SLC66A3: variants seen among roughly 807,000 people sequenced by gnomAD.
The protein encoded by SLC66A3 is solute carrier family 66 member 3.
Under a neutral mutation model 25.5 loss-of-function variants are expected in SLC66A3, and 23 were observed. That is an observed-to-expected ratio of 0.90 (90% CI 0.65 to 1.28). SLC66A3 has a LOEUF of 1.28. Among genes scored for constraint, SLC66A3 ranks in the 50% most tolerant of loss-of-function variants. The probability of loss-of-function intolerance (pLI) is 0.00; values close to 1 mark genes in which losing one functional copy is unlikely to be tolerated. For missense variants in SLC66A3, 246 were observed against 262.1 expected (o/e 0.94, Z 0.42); for synonymous variants, 108 against 112.6 (o/e 0.96, Z 0.26).
chr2:11,178,675 A>G lies in SLC66A3; in HGVS notation c.*847A>G, dbSNP rs917612251. The G allele has an allele frequency of 1.3e-5, 2 of 152,334 alleles. No individual in the cohort carries two copies. The highest frequency in any genetic ancestry group is 6.6e-5 in the Admixed American group (1 of 15,264). The allele number at this position is 152,334 out of a possible 1,614,324, so 9.4% of individuals were successfully genotyped here. ...AGTTCTTAGGGACTTTTTTCACATT[A>G]TAGCATTTTTACCCTAAACATGATG... On this transcript the variant is annotated 3_prime_UTR_variant, in exon 7 of 7. Coordinates refer to ENST00000295083, the MANE Select transcript of SLC66A3 (RefSeq NM_152391.5).
chr2:11,176,821 C>T (rs1203694639), intron 6 of SLC66A3, among the ~76,000 whole-genome samples: 3 of 152,230 alleles, frequency 2.0e-5, no homozygotes, highest in East Asian at 1.9e-4. Context: ...AGCCACCGCG[C>T]CCGGCCAGGG....
In SLC66A3 at chr2:11,155,482, T is replaced by G. The variant is rs1367892661; in HGVS notation, c.-65T>G. On this transcript the variant is annotated 5_prime_UTR_variant, in exon 1 of 7. Coordinates refer to ENST00000295083, the MANE Select transcript of SLC66A3 (RefSeq NM_152391.5). ...GGAAGGCGGAAGGCTTCGGCAGAGC[T>G]GCGCCGCCGAGGCTGAGCGGTCCCT... 2 of 1,408,184 alleles carry G rather than the reference T, an allele frequency of 1.4e-6. No homozygotes were observed. The highest frequency in any genetic ancestry group is 1.8e-6 in the Non-Finnish European group (2 of 1,087,548). The allele number at this position is 1,408,184 out of a possible 1,614,324, so 87.2% of individuals were successfully genotyped here. A position where few individuals can be genotyped will look rare whatever the true frequency, so the allele number is the denominator to read the frequency against.
At chr2:11,160,780 A>G in intron 3 of SLC66A3, 86 bp downstream of exon 3, 1 of 1,566,516 alleles carries the variant, frequency 6.4e-7, no homozygotes, top group South Asian at 1.2e-5. Flanking sequence ...CCTTTACCAG[A>G]TGTGTATTTT....
intron 1 of SLC66A3, among the ~76,000 whole-genome samples, chr2:11,157,360 G>A (rs1261173123): frequency 1.3e-5 from 2 of 152,248 alleles, no homozygotes; most frequent in East Asian, 3.8e-4. Flanking sequence ...CTCTGTCGGG[G>A]CTGGTGCACC....
intron 5 of SLC66A3, 48 bp downstream of exon 5, chr2:11,172,093 GTC>G: frequency 6.3e-7 from 1 of 1,599,944 alleles, no homozygotes; most frequent in Non-Finnish European, 8.6e-7. Flanking sequence ...AGCACCAAGT[GTC>G]TACGTAGTAG....
chr2:11,167,839 C>T lies in SLC66A3; in HGVS notation c.354+3578C>T, dbSNP rs113379738. ...GGTGCTGCTTGAATCAGTGGAAAAC[C>T]TCCATTGTAGAATGTTCCATTTTTT... On this transcript the variant is annotated intron_variant, in intron 4 of 6. Transcript: ENST00000295083. Among the ~76,000 whole-genome samples the T allele has an allele frequency of 4.4e-3, 667 of 152,284 alleles. 3 individuals carry two copies. The highest frequency in any genetic ancestry group is 0.015 in the African/African-American group (641 of 41,554).
At chr2:11,166,905 C>CA (rs1662364887) in intron 4 of SLC66A3, among the ~76,000 whole-genome samples, 1 of 152,054 alleles carries the variant, frequency 6.6e-6, no homozygotes, top group Non-Finnish European at 1.5e-5. Flanking sequence ...AAAAAACAAA[C>CA]AAAATATTGC....
intron 4 of SLC66A3, among the ~76,000 whole-genome samples, chr2:11,164,686 C>T (rs1662254467): frequency 6.6e-6 from 1 of 151,398 alleles, no homozygotes; most frequent in South Asian, 2.1e-4. Context: ...ACCCTGCGGC[C>T]TTCCGCAGTG....
chr2:11,170,048 AG>A (rs1414028487), intron 4 of SLC66A3, among the ~76,000 whole-genome samples: 1 of 152,088 alleles, frequency 6.6e-6, no homozygotes, highest in Non-Finnish European at 1.5e-5. Flanking sequence ...CATGTTGACC[AG>A]GACGGTCTCG....
chr2:11,172,456 C>T (rs1263575195), intron 5 of SLC66A3, among the ~76,000 whole-genome samples: 2 of 152,146 alleles, frequency 1.3e-5, no homozygotes, highest in Admixed American at 6.5e-5. Flanking sequence ...TGGAGATTTT[C>T]GGCAGCCACA....
chr2:11,163,235 G>A (rs1186768074), intron 3 of SLC66A3, among the ~76,000 whole-genome samples: 1 of 152,178 alleles, frequency 6.6e-6, no homozygotes, highest in East Asian at 1.9e-4. Context: ...TAAATCATCT[G>A]TAGGATCTCA....
At chr2:11,170,737 C>T (rs892717073) in intron 4 of SLC66A3, among the ~76,000 whole-genome samples, 17 of 151,758 alleles carry the variant, frequency 1.1e-4, no homozygotes, top group African/African-American at 4.1e-4. Context: ...TACAGGCGCC[C>T]GCCACTACAC....
chr2:11,155,810 T>C, intron 1 of SLC66A3, 121 bp downstream of exon 1: 1 of 1,010,222 alleles, frequency 9.9e-7, no homozygotes, highest in South Asian at 2.8e-5. Flanking sequence ...GCGTCGCAGC[T>C]GGGCGGCCGA....
intron 1 of SLC66A3, among the ~76,000 whole-genome samples, chr2:11,157,530 A>G (rs955544284): frequency 7.2e-6 from 1 of 138,380 alleles, no homozygotes; most frequent in African/African-American, 2.6e-5. Flanking sequence ...GGGGCTGGCC[A>G]TGCTTGCCAG....
At chr2:11,176,610 G>C (rs1309422211) in intron 6 of SLC66A3, among the ~76,000 whole-genome samples, 1 of 115,326 alleles carries the variant, frequency 8.7e-6, no homozygotes, top group Non-Finnish European at 1.7e-5. Flanking sequence ...CTCACTGCAA[G>C]CTCCGCCTCC....
rs774076340 is a variant in SLC66A3 at position 11,177,729 on chromosome 2, T to TA, written c.518-7dup. On this transcript the variant is annotated splice_region_variant and splice_polypyrimidine_tract_variant and intron_variant, in intron 6 of 6. Transcript: ENST00000295083. The stretch of plus-strand genomic sequence containing the variant: ...ACAGTTTTTAATACACTTTTTTTTT[T>TA]ATTTCAGTTCTTCTACGTTTTGTGA... The TA allele has an allele frequency of 8.9e-5, 141 of 1,585,888 alleles. No homozygotes were observed. The South Asian group carries it at 1.5e-3, about 17-fold the overall frequency.
intron 6 of SLC66A3, among the ~76,000 whole-genome samples, chr2:11,175,823 A>C (rs1662719454): frequency 6.6e-6 from 1 of 152,214 alleles, no homozygotes; most frequent in Non-Finnish European, 1.5e-5. Flanking sequence ...AGATGGTGTC[A>C]CCTGTGAAGA....
At position 11,164,508 on chromosome 2, in the gene SLC66A3, A is replaced by ATT. The variant is rs35884718; in HGVS notation, c.354+257_354+258dup. Among the ~76,000 whole-genome samples, 1,017 of 140,726 alleles carry ATT rather than the reference A, an allele frequency of 7.2e-3. 14 individuals are homozygous for ATT. Among genetic ancestry groups the ATT allele is most frequent in the African/African-American group, 0.025 (944 of 37,832 alleles). 92.3% of individuals were successfully genotyped at this position (140,726 alleles called of 152,430 possible). A position where few individuals can be genotyped will look rare whatever the true frequency, so the allele number is the denominator to read the frequency against. On this transcript the variant is annotated intron_variant, in intron 4 of 6. Transcript: ENST00000295083. ...AGGCATGTGCCACCACACCCAGCTAATTTTTTTTTTTAATTGATTCATTTT... is the reference window on the plus strand; with the variant it reads ...AGGCATGTGCCACCACACCCAGCTAATTTTTTTTTTTTTAATTGATTCATTTT...
chr2:11,164,850 G>T (rs1459913037), intron 4 of SLC66A3, among the ~76,000 whole-genome samples: 1 of 152,164 alleles, frequency 6.6e-6, no homozygotes, highest in Non-Finnish European at 1.5e-5. Context: ...GCACTGGGTT[G>T]GGGGTAAGGT....
Sources: allele counts gnomAD v4.1 joint callset (sites outside exome capture counted in the v4.1 genomes callset), GRCh38; gene constraint gnomAD v4.1.1; transcripts MANE v1.5; gene names NCBI Gene and HGNC (gene_info 2026-07-23, HGNC 2026-07-21).